CTTNBP2: variants seen among roughly 807,000 people sequenced by gnomAD.
CTTNBP2 encodes the protein cortactin binding protein 2.
In CTTNBP2, 108 loss-of-function variants were observed where a neutral mutation model predicts 156.9. That is an observed-to-expected ratio of 0.69 (90% CI 0.59 to 0.81). CTTNBP2 has a LOEUF of 0.81. Ranked by LOEUF, CTTNBP2 falls within the 30% of genes least tolerant of loss-of-function variation. The pLI is 0.00. For synonymous variants in CTTNBP2, 767 were observed against 751.8 expected (o/e 1.02, Z -0.33); for missense variants, 1,924 against 2,035.4 (o/e 0.95, Z 1.05).
intron 2 of CTTNBP2, among the ~76,000 whole-genome samples, chr7:117,826,392 C>G (rs1252958620): frequency 6.6e-6 from 1 of 152,044 alleles, no homozygotes; most frequent in African/African-American, 2.4e-5. Context: ...TACATGAAAT[C>G]AGTTCTAACG....
rs780115549 is a variant in CTTNBP2 at position 117,718,009 on chromosome 7, G to T, written c.4746+9C>A. ...CCTTTGTTCACTTTGGGGAGAAAGG[G>T]ACACTTACCTTTTGTGACACTGGCA... On this transcript the variant is annotated intron_variant, in intron 22 of 22. Transcript: ENST00000160373. 2 of 1,542,436 alleles carry T rather than the reference G, an allele frequency of 1.3e-6. No individual in the cohort carries two copies. Among genetic ancestry groups the T allele is most frequent in the Admixed American group, 1.7e-5 (1 of 59,888 alleles).
At position 117,791,798 on chromosome 7, in the gene CTTNBP2, G is replaced by T. The variant is rs766368569; in HGVS notation, c.1398C>A (p.Thr466=). 5 of 1,614,016 alleles carry T rather than the reference G, an allele frequency of 3.1e-6. No homozygotes were observed. The African/African-American group carries it at 5.3e-5, about 17-fold the overall frequency. The part of the protein sequence containing the change: ...ANDPDQNGNT[T]QSPPSRDVSP... ...AGACATCTCTTGACGGAGGACTTTG[G>T]GTAGTATTTCCATTTTGGTCTGGGT... Residue 466 remains threonine, a synonymous_variant, in exon 4 of 23, where the codon ACC becomes ACA. Coordinates refer to ENST00000160373, the MANE Select transcript of CTTNBP2 (RefSeq NM_033427.3).
At chr7:117,871,844 TCACACACACACA>T (rs71150640) in intron 1 of CTTNBP2, 38 of 309,476 alleles carry the variant, frequency 1.2e-4, no homozygotes, top group East Asian at 5.7e-4. Context: ...TCCTTCCCCT[TCACACACACACA>T]CACACACACA....
At chr7:117,747,152 T>C (rs1461230051) in intron 12 of CTTNBP2, among the ~76,000 whole-genome samples, 1 of 152,202 alleles carries the variant, frequency 6.6e-6, no homozygotes, top group Non-Finnish European at 1.5e-5. Flanking sequence ...ACTGATACAG[T>C]TGATATTGCT....
chr7:117,717,837 T>C (rs939400008), intron 22 of CTTNBP2, among the ~76,000 whole-genome samples, 181 bp downstream of exon 22: 8 of 152,152 alleles, frequency 5.3e-5, no homozygotes, highest in South Asian at 2.1e-4. Context: ...GTCATTTTTT[T>C]CCAAAATATT....
chr7:117,712,745 G>A (rs1486548712), intron 22 of CTTNBP2, among the ~76,000 whole-genome samples: 1 of 152,154 alleles, frequency 6.6e-6, no homozygotes, highest in Non-Finnish European at 1.5e-5. Flanking sequence ...TCACCTGGGG[G>A]AGCTTTAATA....
intron 2 of CTTNBP2, among the ~76,000 whole-genome samples, chr7:117,859,804 C>T (rs973795269): frequency 6.6e-6 from 1 of 152,224 alleles, no homozygotes; most frequent in African/African-American, 2.4e-5. Context: ...GGCCACTATA[C>T]TTAACTATAC....
intron 3 of CTTNBP2, among the ~76,000 whole-genome samples, chr7:117,809,983 T>C (rs1250241464): frequency 6.6e-6 from 1 of 152,228 alleles, no homozygotes; most frequent in African/African-American, 2.4e-5. Context: ...GCATCGATAG[T>C]CTTGGCAGCA....
chr7:117,773,648 A>AACACACACACACACACACACAC (rs71528190), intron 8 of CTTNBP2, among the ~76,000 whole-genome samples: 18 of 95,132 alleles, frequency 1.9e-4, no homozygotes, highest in African/African-American at 5.0e-4. Context: ...GCTTAGAGTT[A>AACACACACACACACACACACAC]ACACACACAC....
At chr7:117,745,746 A>T in intron 14 of CTTNBP2, 85 bp downstream of exon 14, 1 of 885,158 alleles carries the variant, frequency 1.1e-6, no homozygotes, top group Non-Finnish European at 1.8e-6. Flanking sequence ...TGTATCCCCA[A>T]GCAACACAGT....
At chr7:117,746,181 T>G (rs1796321535) in intron 12 of CTTNBP2, 82 bp from the exon 13 acceptor site, 1 of 882,112 alleles carries the variant, frequency 1.1e-6, no homozygotes, top group Non-Finnish European at 1.9e-6. Context: ...GTGGAATTCT[T>G]TTTTGATTGT....
At chr7:117,834,009 G>A (rs923668902) in intron 2 of CTTNBP2, among the ~76,000 whole-genome samples, 5 of 151,812 alleles carry the variant, frequency 3.3e-5, no homozygotes, top group African/African-American at 1.2e-4. Flanking sequence ...TGGTGGCTTA[G>A]CTAGTAAAAT....
intron 1 of CTTNBP2, among the ~76,000 whole-genome samples, chr7:117,864,013 C>A (rs1803943711): frequency 6.6e-6 from 1 of 152,002 alleles, no homozygotes; most frequent in African/African-American, 2.4e-5. Flanking sequence ...TGTCTTGTTT[C>A]TCCAAAGCTT....
intron 1 of CTTNBP2, among the ~76,000 whole-genome samples, chr7:117,866,940 G>A (rs1221078571): frequency 6.6e-6 from 1 of 152,176 alleles, no homozygotes; most frequent in Non-Finnish European, 1.5e-5. Flanking sequence ...TTTATGCTTT[G>A]GGGATGAATA....
intron 1 of CTTNBP2, among the ~76,000 whole-genome samples, chr7:117,866,190 T>C (rs1804183193): frequency 6.6e-6 from 1 of 152,016 alleles, no homozygotes; most frequent in African/African-American, 2.4e-5. Flanking sequence ...ATTTCCAGAA[T>C]TGAACACAGG....
chr7:117,716,234 C>CTT (rs541426211), intron 22 of CTTNBP2, among the ~76,000 whole-genome samples: 2 of 124,148 alleles, frequency 1.6e-5, no homozygotes, highest in African/African-American at 5.9e-5. Flanking sequence ...TTCAGTACTA[C>CTT]TTTTTTTTTG....
intron 3 of CTTNBP2, among the ~76,000 whole-genome samples, chr7:117,802,156 T>C (rs13240205): frequency 6.7e-6 from 1 of 148,404 alleles, no homozygotes; most frequent in African/African-American, 2.5e-5. Flanking sequence ...GAATATGCGG[T>C]GTTTGGTTTT....
intron 2 of CTTNBP2, among the ~76,000 whole-genome samples, chr7:117,860,250 T>C (rs925173150): frequency 6.6e-6 from 1 of 152,204 alleles, no homozygotes; most frequent in Non-Finnish European, 1.5e-5. Flanking sequence ...CACCAAATTA[T>C]GTTTGATCTA....
At chr7:117,764,375 C>T (rs2116679270) in intron 9 of CTTNBP2, among the ~76,000 whole-genome samples, 1 of 152,292 alleles carries the variant, frequency 6.6e-6, no homozygotes, top group Non-Finnish European at 1.5e-5. Flanking sequence ...AAAGCACATC[C>T]CCTTCAGTGC....
Sources: allele counts gnomAD v4.1 joint callset (sites outside exome capture counted in the v4.1 genomes callset), GRCh38; gene constraint gnomAD v4.1.1; transcripts MANE v1.5; gene names NCBI Gene and HGNC (gene_info 2026-07-23, HGNC 2026-07-21).